TSHZ2: variants seen among roughly 807,000 people sequenced by gnomAD.
TSHZ2 encodes the protein teashirt zinc finger homeobox 2.
In TSHZ2, 21 loss-of-function variants were observed where a neutral mutation model predicts 74.4. That is an observed-to-expected ratio of 0.28 (90% CI 0.20 to 0.41). TSHZ2 has a LOEUF of 0.41. Among genes scored for constraint, TSHZ2 ranks in the 10% least tolerant of loss-of-function variants. The probability of loss-of-function intolerance (pLI) is 1.00; values close to 1 mark genes in which losing one functional copy is unlikely to be tolerated. For missense variants in TSHZ2, 1,244 were observed against 1,293.5 expected (o/e 0.96, Z 0.59); for synonymous variants, 540 against 515.3 (o/e 1.05, Z -0.65).
intron 1 of TSHZ2, among the ~76,000 whole-genome samples, chr20:53,057,871 T>C (rs1278315019): frequency 1.3e-5 from 2 of 152,144 alleles, no homozygotes; most frequent in Non-Finnish European, 2.9e-5. Context: ...TTTGAGGACA[T>C]GGACAGAAAT....
intron 2 of TSHZ2, among the ~76,000 whole-genome samples, chr20:53,355,289 G>A (rs1310541119): frequency 1.3e-5 from 2 of 152,176 alleles, no homozygotes; most frequent in African/African-American, 4.8e-5. Flanking sequence ...GGCCAAGAAA[G>A]TCCTTTCTAC....
chr20:52,974,479 G>A (rs1981252452), intron 1 of TSHZ2, among the ~76,000 whole-genome samples: 1 of 152,000 alleles, frequency 6.6e-6, no homozygotes, highest in Admixed American at 6.5e-5. Context: ...AGTTGAATCA[G>A]GGCTTTCGCA....
At chr20:53,280,191 C>T (rs1042243235) in intron 2 of TSHZ2, among the ~76,000 whole-genome samples, 1 of 152,138 alleles carries the variant, frequency 6.6e-6, no homozygotes, top group African/African-American at 2.4e-5. Context: ...TATCAGGAAG[C>T]TCCTTGAAGA....
chr20:53,018,966 C>G (rs189577733), intron 1 of TSHZ2, among the ~76,000 whole-genome samples: 1 of 152,286 alleles, frequency 6.6e-6, no homozygotes, highest in African/African-American at 2.4e-5. Flanking sequence ...CAGATTTATT[C>G]TTTTCTCTCA....
At chr20:53,350,722 G>GTTTAA (rs1201345107) in intron 2 of TSHZ2, among the ~76,000 whole-genome samples, 2 of 152,170 alleles carry the variant, frequency 1.3e-5, no homozygotes, top group African/African-American at 4.8e-5. Flanking sequence ...CTTTTACAGT[G>GTTTAA]TTTAAAGGTA....
chr20:53,414,689 A>G (rs1983175133), intron 2 of TSHZ2, among the ~76,000 whole-genome samples: 1 of 152,202 alleles, frequency 6.6e-6, no homozygotes, highest in South Asian at 2.1e-4. Flanking sequence ...TAAAAAATGA[A>G]AAGAACAAGC....
At chr20:53,128,837 G>C (rs559220968) in intron 1 of TSHZ2, among the ~76,000 whole-genome samples, 1 of 152,104 alleles carries the variant, frequency 6.6e-6, no homozygotes, top group South Asian at 2.1e-4. Context: ...GGCCAGGCTG[G>C]TCTTGAACTC....
At chr20:53,288,410 C>T (rs200927569) in intron 2 of TSHZ2, among the ~76,000 whole-genome samples, 13 of 126,952 alleles carry the variant, frequency 1.0e-4, no homozygotes, top group East Asian at 2.4e-4. Context: ...GACTCCGTTT[C>T]AAAAAAAAAA....
At chr20:53,157,841 C>T (rs915334457) in intron 1 of TSHZ2, among the ~76,000 whole-genome samples, 3 of 151,956 alleles carry the variant, frequency 2.0e-5, no homozygotes, top group African/African-American at 7.3e-5. Flanking sequence ...TTTATGTTTC[C>T]TAGGCATTTG....
intron 1 of TSHZ2, among the ~76,000 whole-genome samples, chr20:53,252,873 T>C (rs1418740671): frequency 2.0e-5 from 3 of 152,240 alleles, no homozygotes; most frequent in Admixed American, 6.5e-5. Flanking sequence ...ATTTTTCAAC[T>C]ATCAACAGAA....
chr20:52,998,328 C>A (rs1378496456), intron 1 of TSHZ2, among the ~76,000 whole-genome samples: 4 of 152,168 alleles, frequency 2.6e-5, no homozygotes, highest in Non-Finnish European at 4.4e-5. Flanking sequence ...GCCACCACAC[C>A]TGGCTGATTT....
At chr20:53,420,181 G>C (rs1438005952) in intron 2 of TSHZ2, among the ~76,000 whole-genome samples, 1 of 152,200 alleles carries the variant, frequency 6.6e-6, no homozygotes, top group East Asian at 1.9e-4. Flanking sequence ...AGAATCAAAT[G>C]CCTATGGTGG....
intron 2 of TSHZ2, among the ~76,000 whole-genome samples, chr20:53,466,261 A>T (rs1031793661): frequency 5.6e-5 from 8 of 142,886 alleles, no homozygotes; most frequent in South Asian, 2.2e-4. Flanking sequence ...AAATAAAAAT[A>T]AAAAAAAAAA....
At chr20:53,358,753 T>C (rs1169427254) in intron 2 of TSHZ2, among the ~76,000 whole-genome samples, 1 of 152,238 alleles carries the variant, frequency 6.6e-6, no homozygotes, top group Non-Finnish European at 1.5e-5. Flanking sequence ...AGAAATAAAT[T>C]GTAGAAACCA....
At chr20:52,978,080 T>C (rs1600626194) in intron 1 of TSHZ2, among the ~76,000 whole-genome samples, 1 of 152,322 alleles carries the variant, frequency 6.6e-6, no homozygotes, top group Non-Finnish European at 1.5e-5. Flanking sequence ...TTTGTCATAG[T>C]CTCCAACGGA....
At chr20:53,356,558 A>T (rs1980854524) in intron 2 of TSHZ2, among the ~76,000 whole-genome samples, 1 of 152,222 alleles carries the variant, frequency 6.6e-6, no homozygotes, top group Admixed American at 6.5e-5. Context: ...TACTGCTTGA[A>T]CAGTCTTTTA....
intron 1 of TSHZ2, among the ~76,000 whole-genome samples, chr20:53,214,320 T>A (rs1989385052): frequency 6.6e-6 from 1 of 152,064 alleles, no homozygotes; most frequent in African/African-American, 2.4e-5. Flanking sequence ...ATATGTCAGA[T>A]TATTAAATGC....
chr20:52,981,985 T>C (rs998835280), intron 1 of TSHZ2, among the ~76,000 whole-genome samples: 5 of 152,120 alleles, frequency 3.3e-5, no homozygotes, highest in African/African-American at 1.2e-4. Flanking sequence ...CTAGAGAATA[T>C]ACAAAGAAAT....
chr20:53,126,171 C>T (rs896450441), intron 1 of TSHZ2, among the ~76,000 whole-genome samples: 1 of 152,228 alleles, frequency 6.6e-6, no homozygotes, highest in African/African-American at 2.4e-5. Context: ...TGCTCATCCA[C>T]ATAAATACTC....
Sources: gnomAD v4.1 joint callset for allele counts (sites outside exome capture counted in the v4.1 genomes callset) on GRCh38, gnomAD v4.1.1 for gene constraint, MANE v1.5 for transcripts, NCBI Gene and HGNC (gene_info 2026-07-23, HGNC 2026-07-21) for gene names.